DLG2: variants seen among roughly 807,000 people sequenced by gnomAD.
DLG2 encodes the protein discs large MAGUK scaffold protein 2.
Under a neutral mutation model 132.5 loss-of-function variants are expected in DLG2, and 45 were observed. That is an observed-to-expected ratio of 0.34 (90% CI 0.27 to 0.44). DLG2 has a LOEUF of 0.44. Ranked by LOEUF, DLG2 falls within the 20% of genes least tolerant of loss-of-function variation. The probability of loss-of-function intolerance (pLI) is 1.00; values close to 1 mark genes in which losing one functional copy is unlikely to be tolerated. For synonymous variants in DLG2, 424 were observed against 419.6 expected, an observed-to-expected ratio of 1.01 and a Z score of -0.13; for missense variants, 1,045 against 1,196.9, an observed-to-expected ratio of 0.87 and a Z score of 1.87.
At chr11:84,963,540 A>C (rs1000087079) in intron 6 of DLG2, among the ~76,000 whole-genome samples, 4 of 152,162 alleles carry the variant, frequency 2.6e-5, no homozygotes, top group Non-Finnish European at 5.9e-5. Context: ...TCCTCTTTTC[A>C]TTTAGATTAA....
chr11:84,137,054 G>C (rs1194558602), intron 9 of DLG2, among the ~76,000 whole-genome samples: 1 of 152,132 alleles, frequency 6.6e-6, no homozygotes, highest in Non-Finnish European at 1.5e-5. Context: ...GGGCAGGAAA[G>C]GGGGAGCTTT....
intron 6 of DLG2, chr11:84,545,865 TC>T (rs2099388763): frequency 6.3e-6 from 1 of 158,170 alleles, no homozygotes; most frequent in Admixed American, 6.5e-5. Flanking sequence ...AAGTGATTCT[TC>T]CACCTCAGCC....
intron 6 of DLG2, among the ~76,000 whole-genome samples, chr11:84,965,799 G>A (rs953569556): frequency 1.8e-4 from 27 of 151,990 alleles, no homozygotes; most frequent in African/African-American, 4.8e-4. Flanking sequence ...AGGAGAACAC[G>A]GGGAGATCGG....
chr11:84,491,397 T>C (rs890123182), intron 7 of DLG2, among the ~76,000 whole-genome samples: 1 of 152,130 alleles, frequency 6.6e-6, no homozygotes, highest in Admixed American at 6.6e-5. Context: ...TCTGCCATGA[T>C]TGTGGGGCCT....
chr11:83,886,186 G>A (rs1230483344), intron 15 of DLG2, among the ~76,000 whole-genome samples: 3 of 152,150 alleles, frequency 2.0e-5, no homozygotes, highest in Non-Finnish European at 4.4e-5. Flanking sequence ...CCATCAGTGT[G>A]CTGTATTCAG....
chr11:84,444,218 G>A (rs945079397), intron 7 of DLG2, among the ~76,000 whole-genome samples: 5 of 152,012 alleles, frequency 3.3e-5, no homozygotes, highest in Non-Finnish European at 5.9e-5. Context: ...GGGGCCTATC[G>A]GGTGTGGGCA....
intron 6 of DLG2, among the ~76,000 whole-genome samples, chr11:84,732,141 A>T (rs534756893): frequency 6.6e-6 from 1 of 152,192 alleles, no homozygotes; most frequent in South Asian, 2.1e-4. Flanking sequence ...TTGCCAAGTA[A>T]TATTACATTG....
chr11:84,260,825 G>A (rs2097539913), intron 7 of DLG2, among the ~76,000 whole-genome samples: 1 of 152,144 alleles, frequency 6.6e-6, no homozygotes, highest in Non-Finnish European at 1.5e-5. Flanking sequence ...AGGCCATAAT[G>A]CCTCAAACCC....
At chr11:83,506,929 A>G (rs968555266) in intron 21 of DLG2, among the ~76,000 whole-genome samples, 8 of 152,192 alleles carry the variant, frequency 5.3e-5, no homozygotes, top group Admixed American at 4.6e-4. Context: ...CATCTTTCAC[A>G]TAGGAGATGA....
chr11:85,111,609 A>C, intron 6 of DLG2, 52 bp downstream of exon 6: 1 of 1,436,686 alleles, frequency 7.0e-7, no homozygotes. Context: ...TTATTCCAAA[A>C]TATAAAAACA....
At chr11:85,455,893 T>C (rs1440565727) in intron 3 of DLG2, among the ~76,000 whole-genome samples, 4 of 152,154 alleles carry the variant, frequency 2.6e-5, no homozygotes, top group Non-Finnish European at 5.9e-5. Flanking sequence ...TGGATTAGAT[T>C]TTTGATGTGC....
chr11:85,139,451 A>G (rs527616007), intron 5 of DLG2, among the ~76,000 whole-genome samples: 23 of 152,234 alleles, frequency 1.5e-4, no homozygotes, highest in African/African-American at 5.3e-4. Context: ...AGTATTTACA[A>G]ACATACACAT....
chr11:84,870,677 A>G (rs2085337924), intron 6 of DLG2, among the ~76,000 whole-genome samples: 1 of 152,232 alleles, frequency 6.6e-6, no homozygotes, highest in Middle Eastern at 3.2e-3. Flanking sequence ...ATCACTGTGT[A>G]CATAATACAC....
chr11:85,306,695 CCT>C (rs1487242938), intron 3 of DLG2, among the ~76,000 whole-genome samples: 1 of 152,112 alleles, frequency 6.6e-6, no homozygotes, highest in Non-Finnish European at 1.5e-5. Flanking sequence ...CTCAGCCTCC[CCT>C]AAGTAGCTGG....
chr11:83,574,987 C>T (rs917971247), intron 19 of DLG2, among the ~76,000 whole-genome samples: 3 of 152,312 alleles, frequency 2.0e-5, no homozygotes, highest in African/African-American at 4.8e-5. Context: ...ATTTCTAACT[C>T]ATTTCCATAT....
intron 19 of DLG2, among the ~76,000 whole-genome samples, chr11:83,567,316 C>A (rs919428586): frequency 6.6e-6 from 1 of 152,038 alleles, no homozygotes; most frequent in African/African-American, 2.4e-5. Context: ...TATAAAAGCC[C>A]CTTTTTAGTC....
intron 18 of DLG2, among the ~76,000 whole-genome samples, chr11:83,715,614 T>G: frequency 6.6e-6 from 1 of 152,180 alleles, no homozygotes; most frequent in East Asian, 1.9e-4. Context: ...TCTTGTCCCT[T>G]TCCTGCTTAA....
chr11:84,411,955 T>G (rs955736837), intron 7 of DLG2, among the ~76,000 whole-genome samples: 2 of 151,492 alleles, frequency 1.3e-5, no homozygotes, highest in Non-Finnish European at 2.9e-5. Context: ...CCAAATACTA[T>G]GTACTGGATT....
chr11:84,720,321 G>C (rs1342683743), intron 6 of DLG2: 6 of 985,478 alleles, frequency 6.1e-6, no homozygotes, highest in Non-Finnish European at 7.2e-6. Context: ...CAACGATAAA[G>C]TGTTGTTGGT....
Sources: allele counts gnomAD v4.1 joint callset (sites outside exome capture counted in the v4.1 genomes callset), GRCh38; gene constraint gnomAD v4.1.1; transcripts MANE v1.5; gene names NCBI Gene and HGNC (gene_info 2026-07-23, HGNC 2026-07-21).